The following ERBB4 variants were observed in gnomAD, a reference collection of about 807,000 sequenced individuals.
ERBB4 encodes erb-b2 receptor tyrosine kinase 4.
A neutral mutation model predicts 158.0 loss-of-function variants in ERBB4; 42 were observed. The ratio of observed to expected loss-of-function variants is 0.27; its 90% confidence interval spans 0.21 to 0.34. The LOEUF (loss-of-function observed/expected upper bound fraction) is 0.34. Among genes scored for constraint, ERBB4 ranks in the 10% least tolerant of loss-of-function variants. ERBB4 has a pLI of 1.00. For synonymous variants in ERBB4, 583 were observed against 558.7 expected, an observed-to-expected ratio of 1.04 and a Z score of -0.61; for missense variants, 1,333 against 1,624.1, an observed-to-expected ratio of 0.82 and a Z score of 3.08.
intron 1 of ERBB4, among the ~76,000 whole-genome samples, chr2:212,292,197 T>C (rs1341603053): frequency 6.6e-6 from 1 of 152,008 alleles, no homozygotes; most frequent in East Asian, 1.9e-4. Flanking sequence ...CAAAAATGCC[T>C]CTGGCATAAA....
intron 1 of ERBB4, among the ~76,000 whole-genome samples, chr2:212,191,730 GTTATACATGTTACATATAACACGT>G (rs2082231121): frequency 6.9e-6 from 1 of 145,416 alleles, no homozygotes; most frequent in Non-Finnish European, 1.5e-5. Flanking sequence ...TATAACACGT[GTTATACATGTTACATATAACACGT>G]GTTATACATG....
At chr2:212,441,467 C>A (rs988520144) in intron 1 of ERBB4, among the ~76,000 whole-genome samples, 2 of 152,126 alleles carry the variant, frequency 1.3e-5, no homozygotes, top group African/African-American at 4.8e-5. Context: ...TCTGGTAGGT[C>A]CCTAGAGTTT....
intron 19 of ERBB4, among the ~76,000 whole-genome samples, chr2:211,607,865 ATT>A (rs1553589856): frequency 1.8e-4 from 13 of 74,218 alleles, no homozygotes; most frequent in East Asian, 4.0e-4. Flanking sequence ...TTCGCATCAG[ATT>A]TTTTTTTTTT....
At chr2:212,073,800 C>G (rs1455760140) in intron 2 of ERBB4, among the ~76,000 whole-genome samples, 1 of 149,394 alleles carries the variant, frequency 6.7e-6, no homozygotes, top group African/African-American at 2.5e-5. Context: ...CTTACACAAT[C>G]AAAGCATGAT....
intron 1 of ERBB4, among the ~76,000 whole-genome samples, chr2:212,529,454 T>C (rs573709937): frequency 6.6e-6 from 1 of 152,216 alleles, no homozygotes; most frequent in East Asian, 1.9e-4. Flanking sequence ...AGAAATACCC[T>C]AGGAAGCTCA....
At chr2:212,121,989 C>A (rs1319502485) in intron 2 of ERBB4, among the ~76,000 whole-genome samples, 2 of 151,728 alleles carry the variant, frequency 1.3e-5, no homozygotes, top group South Asian at 2.1e-4. Context: ...TAGGACCACA[C>A]CTTCTTTCTG....
chr2:211,500,095 G>A (rs1217605296), intron 20 of ERBB4, among the ~76,000 whole-genome samples: 2 of 152,090 alleles, frequency 1.3e-5, no homozygotes, highest in East Asian at 3.9e-4. Flanking sequence ...AGATGAAATG[G>A]TCTTTGAAAA....
At chr2:212,498,294 C>T (rs1008365737) in intron 1 of ERBB4, among the ~76,000 whole-genome samples, 3 of 152,006 alleles carry the variant, frequency 2.0e-5, no homozygotes, top group Admixed American at 1.3e-4. Context: ...TAAACAAAGA[C>T]GGGGATTAAT....
chr2:212,488,918 C>A (rs1037035381), intron 1 of ERBB4, among the ~76,000 whole-genome samples: 2 of 149,294 alleles, frequency 1.3e-5, no homozygotes, highest in African/African-American at 5.0e-5. Flanking sequence ...AACTGGTCAG[C>A]AAGAGAGAGA....
chr2:211,796,995 C>T (rs780989508), intron 3 of ERBB4, among the ~76,000 whole-genome samples: 5 of 151,890 alleles, frequency 3.3e-5, no homozygotes, highest in Admixed American at 1.3e-4. Flanking sequence ...TTCTGGAAGA[C>T]GGATGGGAAA....
intron 1 of ERBB4, among the ~76,000 whole-genome samples, chr2:212,530,159 C>A (rs1692672403): frequency 6.7e-6 from 1 of 148,320 alleles, no homozygotes; most frequent in South Asian, 2.1e-4. Context: ...AAGAAGAATA[C>A]CCATAAAGAG....
intron 3 of ERBB4, among the ~76,000 whole-genome samples, chr2:211,940,264 G>C (rs555695822): frequency 6.6e-6 from 1 of 152,044 alleles, no homozygotes; most frequent in African/African-American, 2.4e-5. Flanking sequence ...AGAGCAAAAC[G>C]ATGGAGCCAT....
intron 1 of ERBB4, among the ~76,000 whole-genome samples, chr2:212,163,126 T>A (rs963225204): frequency 6.6e-6 from 1 of 152,014 alleles, no homozygotes. Context: ...TTTTATGGCA[T>A]GTTTTTTGCT....
In ERBB4 at chr2:211,562,093, A is replaced by G. The variant is rs749372150; in HGVS notation, c.2302-5T>C. ...ACTTGCCATGATCAGAGCTTCCTGT[A>G]AGAAAAAAATGCAATACCATGATTT... is the stretch of plus-strand genomic sequence containing the variant. On this transcript the variant is annotated splice_polypyrimidine_tract_variant and splice_region_variant and intron_variant, in intron 19 of 27. Coordinates refer to ENST00000342788, the MANE Select transcript of ERBB4 (RefSeq NM_005235.3). 4.3e-6 allele frequency: 7 copies of G among 1,611,858 alleles called. No individual in the cohort carries two copies. The highest frequency in any genetic ancestry group is 2.2e-5 in the East Asian group (1 of 44,890).
intron 16 of ERBB4, among the ~76,000 whole-genome samples, chr2:211,645,101 T>C (rs1319424325): frequency 6.6e-6 from 1 of 151,790 alleles, no homozygotes; most frequent in African/African-American, 2.4e-5. Flanking sequence ...AGTAAGTATG[T>C]TAGTATTTAG....
intron 2 of ERBB4, among the ~76,000 whole-genome samples, chr2:212,068,657 C>A (rs538840112): frequency 1.8e-4 from 27 of 152,100 alleles, no homozygotes; most frequent in African/African-American, 6.3e-4. Flanking sequence ...AGAAAAGTAG[C>A]TTTAAAAGAC....
intron 20 of ERBB4, among the ~76,000 whole-genome samples, chr2:211,472,538 A>G (rs2064852891): frequency 6.6e-6 from 1 of 151,750 alleles, no homozygotes; most frequent in South Asian, 2.1e-4. Flanking sequence ...CAGAAAAAAA[A>G]ACAATTCCAA....
At chr2:211,560,431 T>C (rs1385369388) in intron 20 of ERBB4, among the ~76,000 whole-genome samples, 1 of 151,666 alleles carries the variant, frequency 6.6e-6, no homozygotes, top group Admixed American at 6.6e-5. Flanking sequence ...TGTGCCACCA[T>C]GCCCAGCTAA....
chr2:211,922,792 C>T (rs139131399), intron 3 of ERBB4, among the ~76,000 whole-genome samples: 90 of 152,140 alleles, frequency 5.9e-4, no homozygotes, highest in Middle Eastern at 3.4e-3. Flanking sequence ...AACCTTTAAA[C>T]TAAGACTTTG....
Sources: allele counts gnomAD v4.1 joint callset (sites outside exome capture counted in the v4.1 genomes callset), GRCh38; gene constraint gnomAD v4.1.1; transcripts MANE v1.5; gene names NCBI Gene and HGNC (gene_info 2026-07-23, HGNC 2026-07-21).